CCT5: variants seen among roughly 807,000 people sequenced by gnomAD.
The protein encoded by CCT5 is T-complex protein 1 subunit epsilon.
In CCT5, 6 loss-of-function variants were observed where a neutral mutation model predicts 55.0. The observed-to-expected ratio is 0.11, with a 90% CI of 0.06 to 0.22. The LOEUF (loss-of-function observed/expected upper bound fraction) is 0.22. Ranked by LOEUF, CCT5 falls within the 10% of genes least tolerant of loss-of-function variation. The pLI is 1.00. For missense variants in CCT5, 560 were observed against 694.6 expected (o/e 0.81, Z 2.18); for synonymous variants, 231 against 243.7 (o/e 0.95, Z 0.49).
chr5:10,254,115 A>T (rs755408043), intron 1 of CCT5, 30 bp from the exon 2 acceptor site: 4 of 1,469,406 alleles, frequency 2.7e-6, no homozygotes, highest in Non-Finnish European at 3.8e-6. Context: ...TATATGTAAC[A>T]GTGTTTGCTT....
In CCT5 at chr5:10,250,406, G is replaced by A; in HGVS notation, c.66G>A (p.Gln22=). Residue 22 remains glutamine, a synonymous_variant, in exon 1 of 11, where the codon CAG becomes CAA. Coordinates refer to ENST00000280326, the MANE Select transcript of CCT5 (RefSeq NM_012073.5). ...GCCCTTTCCTCATCATCAAGGATCA[G>A]GACCGCAAGTCCCGTCTTATGGGAC... ...YGRPFLIIKD[Q]DRKSRLMGLE... is the part of the protein sequence containing the mutation. 6.2e-7 allele frequency: 1 copy of A among 1,614,098 alleles called. No individual in the cohort carries two copies. Among genetic ancestry groups the A allele is most frequent in the Non-Finnish European group, 8.5e-7 (1 of 1,180,044 alleles).
At position 10,257,929 on chromosome 5, in the gene CCT5, C is replaced by T. The variant is rs528875170; in HGVS notation, c.531-182C>T. ...TAAGTATACAGTCCCCTTTAGGGCC[C>T]ATGGATCACAGGTTAAGAATCTGCC... On this transcript the variant is annotated intron_variant, in intron 4 of 10. Transcript: ENST00000280326. The T allele has an allele frequency of 7.3e-4, 483 of 663,886 alleles. 5 individuals carry two copies. The South Asian group carries it at 8.0e-3, about 11-fold the overall frequency. 41.1% of individuals were successfully genotyped at this position (663,886 alleles called of 1,614,324 possible). A position where few individuals can be genotyped will look rare whatever the true frequency, so the allele number is the denominator to read the frequency against.
chr5:10,264,933 C>A lies in CCT5; in HGVS notation c.*150C>A. On this transcript the variant is annotated 3_prime_UTR_variant, in exon 11 of 11. Transcript: ENST00000280326. ...TAGCTGTTTGGTAACCATAGTTTCA[C>A]TTGTTCAAAGCTGTGTAATCGTGGG... is the stretch of plus-strand genomic sequence containing the variant. The A allele has an allele frequency of 2.0e-6, 2 of 1,014,504 alleles. No individual in the cohort carries two copies. The highest frequency in any genetic ancestry group is 1.5e-5 in the South Asian group (1 of 64,846). The allele number at this position is 1,014,504 out of a possible 1,614,324, so 62.8% of individuals were successfully genotyped here.
chr5:10,261,047 G>A (rs2126513659), intron 7 of CCT5, 136 bp downstream of exon 7: 1 of 863,164 alleles, frequency 1.2e-6, no homozygotes, highest in East Asian at 2.5e-5. Flanking sequence ...CTGGGAGAGA[G>A]GAAAGCGCTG....
intron 9 of CCT5, 33 bp from the exon 10 acceptor site, chr5:10,263,101 A>G (rs780959132): frequency 6.2e-7 from 1 of 1,603,852 alleles, no homozygotes; most frequent in South Asian, 1.1e-5. Context: ...TTGTTTCGCC[A>G]AGTGCACTCA....
Position 10,250,450 on chromosome 5 carries a change from T to G in CCT5, c.105+5T>G, listed in dbSNP as rs755702679. 10 of 1,612,642 alleles carry G rather than the reference T, an allele frequency of 6.2e-6. No homozygotes were observed. The Admixed American group carries it at 1.7e-4, about 27-fold the overall frequency. On this transcript the variant is annotated splice_donor_5th_base_variant and intron_variant, in intron 1 of 10. Transcript: ENST00000280326. Reference sequence around the variant, plus strand: ...ATGGGACTTGAGGCCCTCAAGGTAATGGCACAGGGACCTGCTCGCGGTGGG... The same window carrying G: ...ATGGGACTTGAGGCCCTCAAGGTAAGGGCACAGGGACCTGCTCGCGGTGGG...
intron 4 of CCT5, among the ~76,000 whole-genome samples, chr5:10,257,002 A>G (rs1366125992): frequency 1.3e-5 from 2 of 152,214 alleles, no homozygotes; most frequent in African/African-American, 4.8e-5. Context: ...TACAATGCCA[A>G]AGACTTAAGG....
rs1746152908 is a variant in CCT5 at position 10,265,032 on chromosome 5, G to A, written c.*249G>A. 2.3e-6 allele frequency: 1 copy of A among 438,852 alleles called. No homozygotes were observed. Among genetic ancestry groups the A allele is most frequent in the African/African-American group, 2.0e-5 (1 of 50,170 alleles). 27.2% of individuals were successfully genotyped at this position (438,852 alleles called of 1,614,324 possible). A position where few individuals can be genotyped will look rare whatever the true frequency, so the allele number is the denominator to read the frequency against. On this transcript the variant is annotated 3_prime_UTR_variant, in exon 11 of 11. Coordinates refer to ENST00000280326, the MANE Select transcript of CCT5 (RefSeq NM_012073.5). ...TAAACAACCTTTATCTTCTCTTCGG[G>A]TTTAAGAAACGTTTATTGTAACAGT...
chr5:10,261,950 T>TA (rs1481608125), intron 8 of CCT5: 1 of 623,822 alleles, frequency 1.6e-6, no homozygotes, highest in Non-Finnish European at 2.9e-6. Flanking sequence ...TGCTGTCCCT[T>TA]AGAGTATACA....
intron 4 of CCT5, among the ~76,000 whole-genome samples, chr5:10,256,530 A>T (rs1745689582): frequency 6.6e-6 from 1 of 152,156 alleles, no homozygotes; most frequent in Admixed American, 6.5e-5. Flanking sequence ...AGCCAGGGCA[A>T]TGTAGTGGGA....
intron 1 of CCT5, among the ~76,000 whole-genome samples, chr5:10,253,204 C>A (rs1246541718): frequency 6.6e-6 from 1 of 152,124 alleles, no homozygotes; most frequent in Non-Finnish European, 1.5e-5. Flanking sequence ...ATGGCGCGTG[C>A]CTGTAATCCC....
In CCT5 at chr5:10,266,241, TA is replaced by T. The variant is rs1746229128; in HGVS notation, c.*1461del. The stretch of plus-strand genomic sequence containing the variant: ...TCTGTGGTTGTATCAGAAGAGCCAC[TA>T]AACCAATCCCCCTTTCCAAAATTGA... On this transcript the variant is annotated 3_prime_UTR_variant, in exon 11 of 11. Coordinates refer to ENST00000280326, the MANE Select transcript of CCT5 (RefSeq NM_012073.5). 2 of 152,202 alleles carry T rather than the reference TA, an allele frequency of 1.3e-5. No individual in the cohort carries two copies. The highest frequency in any genetic ancestry group is 4.8e-5 in the African/African-American group (2 of 41,452). 9.4% of individuals were successfully genotyped at this position (152,202 alleles called of 1,614,324 possible).
rs772697210 is a variant in CCT5 at position 10,254,795 on chromosome 5, G to C, written c.288G>C (p.Lys96Asn). 1 of 1,614,060 alleles carries C rather than the reference G, an allele frequency of 6.2e-7. No individual in the cohort carries two copies. ...CCAAGCTGATGGTGGAACTGTCCAA[G>C]TCTCAGGATGATGAAATTGGAGATG... is the stretch of plus-strand genomic sequence containing the variant. ...QIAKLMVELS[K>N]SQDDEIGDGT... Residue 96 changes from lysine to asparagine, a missense_variant, in exon 3 of 11, where the codon AAG becomes AAC. This residue lies in a region of CCT5 where 137 missense variants were observed against 181.9 expected (regional missense o/e 0.75). Coordinates refer to ENST00000280326, the MANE Select transcript of CCT5 (RefSeq NM_012073.5).
At chr5:10,250,635 G>A (rs2126488926) in intron 1 of CCT5, 190 bp downstream of exon 1, 2 of 1,428,064 alleles carry the variant, frequency 1.4e-6, no homozygotes, top group Non-Finnish European at 1.8e-6. Flanking sequence ...CTAATCCTGG[G>A]CTCGGAATGT....
chr5:10,260,110 G>A (rs1459891578), intron 6 of CCT5, among the ~76,000 whole-genome samples: 1 of 152,216 alleles, frequency 6.6e-6, no homozygotes, highest in East Asian at 1.9e-4. Flanking sequence ...GGAAGGAAGA[G>A]AGGGAGAGCC....
intron 1 of CCT5, among the ~76,000 whole-genome samples, chr5:10,251,533 C>T (rs577046355): frequency 6.9e-4 from 105 of 152,286 alleles, no homozygotes; most frequent in African/African-American, 2.4e-3. Flanking sequence ...CACTTAGTGT[C>T]TTGGAGGTTT....
In CCT5 at chr5:10,261,636, G is replaced by A. The variant is rs143444882; in HGVS notation, c.1070G>A (p.Gly357Asp). Residue 357 changes from glycine (G) to aspartate (D), a missense_variant, in exon 8 of 11, where the codon GGT (glycine) becomes GAT (aspartate). Physicochemically the swap from Gly to Asp is moderately conservative, Grantham distance 94. Coordinates refer to ENST00000280326, the MANE Select transcript of CCT5 (RefSeq NM_012073.5). ...ELTAEKLGFA[G>D]LVQEISFGTT... ...ACAGCCGAGAAGCTGGGCTTTGCTG[G>A]TCTTGTACAGGAGATCTCATTTGGG... 722 of 1,614,198 alleles carry A rather than the reference G, an allele frequency of 4.5e-4. 7 individuals are homozygous for A. In the East Asian group the frequency reaches 0.015, roughly 33 times the overall value.
chr5:10,257,433 G>T (rs186019197), intron 4 of CCT5, among the ~76,000 whole-genome samples: 160 of 152,296 alleles, frequency 1.1e-3, no homozygotes, highest in African/African-American at 3.5e-3. Context: ...CAAGTATTAA[G>T]TCATCTACTT....
At position 10,254,789 on chromosome 5, in the gene CCT5, G is replaced by C. The variant is rs554172244; in HGVS notation, c.282G>C (p.Leu94=). 5 of 1,614,046 alleles carry C rather than the reference G, an allele frequency of 3.1e-6. No homozygotes were observed. The highest frequency in any genetic ancestry group is 4.5e-5 in the East Asian group (2 of 44,876). The change falls in exon 3 of 11, where the codon CTG becomes CTC. Residue 94 remains leucine (L), a synonymous_variant. Transcript: ENST00000280326. ...AGATTGCCAAGCTGATGGTGGAACT[G>C]TCCAAGTCTCAGGATGATGAAATTG... ...DHQIAKLMVE[L]SKSQDDEIGD...
Sources: gnomAD v4.1 joint callset for allele counts (sites outside exome capture counted in the v4.1 genomes callset) on GRCh38, gnomAD v4.1.1 for gene constraint, gnomAD v4.1.1 regional missense constraint, MANE v1.5 for transcripts, NCBI Gene and HGNC (gene_info 2026-07-23, HGNC 2026-07-21) for gene names.